ZNF599: variants seen among roughly 807,000 people sequenced by gnomAD.
ZNF599 encodes zinc finger protein 599.
A neutral mutation model predicts 11.7 loss-of-function variants in ZNF599; 10 were observed. The observed-to-expected ratio is 0.86, with a 90% CI of 0.53 to 1.45. The LOEUF is 1.45. Ranked by LOEUF, ZNF599 falls within the 40% of genes most tolerant of loss-of-function variation. The probability of loss-of-function intolerance (pLI) is 0.00; values close to 1 mark genes in which losing one functional copy is unlikely to be tolerated. For synonymous variants in ZNF599, 232 were observed against 253.2 expected (o/e 0.92, Z 0.79); for missense variants, 688 against 713.6 (o/e 0.96, Z 0.41).
the ZNF599 span, among the ~76,000 whole-genome samples, chr19:34,800,085 A>G: frequency 6.6e-6 from 1 of 152,184 alleles, no homozygotes; most frequent in East Asian, 1.9e-4. Flanking sequence ...CTTCTCTGGT[A>G]AGGTATTTGT....
chr19:34,787,060 G>A, the ZNF599 span, among the ~76,000 whole-genome samples: 2 of 152,110 alleles, frequency 1.3e-5, no homozygotes, highest in African/African-American at 4.8e-5. Context: ...GGCCCAGAGG[G>A]GAATTTTGAT....
intron 1 of ZNF599, among the ~76,000 whole-genome samples, chr19:34,770,081 C>A (rs776156960): frequency 1.3e-5 from 2 of 152,238 alleles, no homozygotes; most frequent in Non-Finnish European, 2.9e-5. Flanking sequence ...ATAGTTCCCA[C>A]TTCACCGAAC....
At chr19:34,801,687 C>T in the ZNF599 span, among the ~76,000 whole-genome samples, 1 of 152,202 alleles carries the variant, frequency 6.6e-6, no homozygotes, top group Non-Finnish European at 1.5e-5. Flanking sequence ...AAATGGCTGC[C>T]CCACACTCAG....
At chr19:34,782,048 T>A in the ZNF599 span, among the ~76,000 whole-genome samples, 2 of 152,116 alleles carry the variant, frequency 1.3e-5, no homozygotes, top group East Asian at 3.9e-4. Context: ...CAGGGACAGG[T>A]TACTGATATG....
At chr19:34,795,175 T>G in the ZNF599 span, among the ~76,000 whole-genome samples, 1 of 152,142 alleles carries the variant, frequency 6.6e-6, no homozygotes, top group Non-Finnish European at 1.5e-5. Flanking sequence ...ATAGTAAGAG[T>G]AAAAACCATG....
Position 34,759,464 on chromosome 19 carries a change from G to A in ZNF599, c.1337C>T (p.Thr446Ile). 3 of 1,614,148 alleles carry A rather than the reference G, an allele frequency of 1.9e-6. No individual in the cohort carries two copies. The highest frequency in any genetic ancestry group is 2.5e-6 in the Non-Finnish European group (3 of 1,179,996). Residue 446 changes from threonine to isoleucine, a missense_variant, in exon 4 of 4, where the codon ACT (threonine) becomes ATT (isoleucine). Thr to Ile is a moderately conservative substitution (Grantham distance 89). Coordinates refer to ENST00000329285, the MANE Select transcript of ZNF599 (RefSeq NM_001007248.3). ...SSLIQHMRIH[T>I]GEKPYECSEC... The stretch of plus-strand genomic sequence containing the variant: ...ACTGCACTCATAAGGCTTCTCACCA[G>A]TGTGAATCCTCATATGTTGAATTAA...
upstream of ZNF599, chr19:34,773,237 C>G (rs1417316724): frequency 9.0e-6 from 2 of 222,360 alleles, no homozygotes; most frequent in African/African-American, 2.3e-5. Flanking sequence ...CACGCCGCTA[C>G]GGGAACGCCC....
At chr19:34,772,778 C>A in intron 1 of ZNF599, 46 bp downstream of exon 1, 3 of 1,534,966 alleles carry the variant, frequency 2.0e-6, no homozygotes, top group Non-Finnish European at 2.6e-6. Flanking sequence ...TGGGTGCATG[C>A]GGGCGGTGAC....
At position 34,767,320 on chromosome 19, in the gene ZNF599, G is replaced by A. The variant is rs530217737; in HGVS notation, c.237C>T (p.Cys79=). ...GCCAGACTCTCAGTCACCAACCTGCGCAGGTGCTTTGGGAGAGGCCTCTCT... is the reference window on the plus strand; with the variant it reads ...GCCAGACTCTCAGTCACCAACCTGCACAGGTGCTTTGGGAGAGGCCTCTCT... ...TVKRGLSQST[C]AGEKAKPKIT... The change falls in exon 3 of 4, where the codon TGC becomes TGT. Residue 79 remains cysteine (C), a synonymous_variant. Coordinates refer to ENST00000329285, the MANE Select transcript of ZNF599 (RefSeq NM_001007248.3). The A allele has an allele frequency of 2.2e-5, 36 of 1,613,670 alleles. No homozygotes were observed. Among genetic ancestry groups the A allele is most frequent in the African/African-American group, 4.0e-5 (3 of 74,878 alleles).
At chr19:34,767,229 T>G in intron 3 of ZNF599, 87 bp downstream of exon 3, 1 of 1,036,382 alleles carries the variant, frequency 9.6e-7, no homozygotes, top group Non-Finnish European at 1.5e-6. Context: ...GACCACAAAA[T>G]AGCTGCCCAT....
the ZNF599 span, among the ~76,000 whole-genome samples, chr19:34,778,303 C>T: frequency 6.7e-6 from 1 of 150,366 alleles, no homozygotes; most frequent in African/African-American, 2.4e-5. Flanking sequence ...TACCCTAGAA[C>T]TTAAAGTATA....
chr19:34,781,744 CATG>C, the ZNF599 span, among the ~76,000 whole-genome samples: 1 of 152,204 alleles, frequency 6.6e-6, no homozygotes, highest in Admixed American at 6.5e-5. Flanking sequence ...GCTGGTAAAA[CATG>C]AGCCCTAAGG....
chr19:34,769,029 A>G (rs2069164258), intron 2 of ZNF599, among the ~76,000 whole-genome samples: 3 of 152,198 alleles, frequency 2.0e-5, no homozygotes, highest in Admixed American at 2.0e-4. Context: ...AAAAGATATA[A>G]GCAGCACTGA....
At chr19:34,807,172 G>A in the ZNF599 span, among the ~76,000 whole-genome samples, 16 of 152,124 alleles carry the variant, frequency 1.1e-4, no homozygotes, top group African/African-American at 2.9e-4. Flanking sequence ...TTTCAGAAAC[G>A]GCTTCATCAC....
At chr19:34,799,459 C>A in the ZNF599 span, among the ~76,000 whole-genome samples, 8 of 152,018 alleles carry the variant, frequency 5.3e-5, no homozygotes, top group African/African-American at 1.9e-4. Flanking sequence ...TCCTTTTTAT[C>A]CATTCACATA....
chr19:34,806,552 T>C, the ZNF599 span, among the ~76,000 whole-genome samples: 1 of 152,184 alleles, frequency 6.6e-6, no homozygotes, highest in Non-Finnish European at 1.5e-5. Flanking sequence ...AAGTAAATAG[T>C]TTCCCACAGT....
the ZNF599 span, among the ~76,000 whole-genome samples, chr19:34,796,424 C>T: frequency 2.0e-5 from 3 of 152,028 alleles, no homozygotes; most frequent in East Asian, 5.8e-4. Flanking sequence ...GGTCCTCCTA[C>T]CTCAGTCTTC....
chr19:34,792,210 C>A, the ZNF599 span, among the ~76,000 whole-genome samples: 1 of 152,174 alleles, frequency 6.6e-6, no homozygotes, highest in Admixed American at 6.5e-5. Context: ...AGCCATGGGA[C>A]CCTGGGAAAG....
chr19:34,801,894 C>T, the ZNF599 span, among the ~76,000 whole-genome samples: 2 of 152,304 alleles, frequency 1.3e-5, no homozygotes, highest in East Asian at 3.9e-4. Context: ...TTCCACATGC[C>T]CCTAAGTATA....
Sources: allele counts gnomAD v4.1 joint callset (sites outside exome capture counted in the v4.1 genomes callset), GRCh38; gene constraint gnomAD v4.1.1; transcripts MANE v1.5; gene names NCBI Gene and HGNC (gene_info 2026-07-23, HGNC 2026-07-21).